FAM185A: variants seen among roughly 807,000 people sequenced by gnomAD.
FAM185A encodes the protein protein FAM185A.
Under a neutral mutation model 45.7 loss-of-function variants are expected in FAM185A, and 21 were observed. That is an observed-to-expected ratio of 0.46 (90% CI 0.33 to 0.66). FAM185A has a LOEUF of 0.66. Among genes scored for constraint, FAM185A ranks in the 30% least tolerant of loss-of-function variants. The pLI, the probability that FAM185A is intolerant of heterozygous loss-of-function variation, is 0.03. For missense variants in FAM185A, 305 were observed against 485.4 expected, an observed-to-expected ratio of 0.63 and a Z score of 3.49; for synonymous variants, 117 against 194.0, an observed-to-expected ratio of 0.60 and a Z score of 3.30.
chr7:102,841,968 G>A, the FAM185A span, among the ~76,000 whole-genome samples: 2 of 152,252 alleles, frequency 1.3e-5, no homozygotes, highest in Middle Eastern at 6.8e-3. Context: ...TCTACCAGAG[G>A]AATTCCTTAG....
the FAM185A span, among the ~76,000 whole-genome samples, chr7:102,825,502 A>C: frequency 6.6e-6 from 1 of 152,186 alleles, no homozygotes; most frequent in Non-Finnish European, 1.5e-5. Context: ...CAGAAATGTA[A>C]TATTACTAAA....
chr7:102,830,346 G>C, the FAM185A span, among the ~76,000 whole-genome samples: 27 of 152,252 alleles, frequency 1.8e-4, no homozygotes, highest in African/African-American at 4.8e-4. Flanking sequence ...TTTATAGCCA[G>C]GGCAGTTCTC....
intron 2 of FAM185A, among the ~76,000 whole-genome samples, chr7:102,752,088 T>C (rs1466558296): frequency 1.3e-5 from 2 of 152,028 alleles, no homozygotes; most frequent in Non-Finnish European, 2.9e-5. Flanking sequence ...AAAGAAATTT[T>C]AGTTTCCACA....
chr7:102,771,074 T>C (rs1357309532), intron 4 of FAM185A, among the ~76,000 whole-genome samples: 1 of 152,122 alleles, frequency 6.6e-6, no homozygotes, highest in Non-Finnish European at 1.5e-5. Context: ...TGGATGCAGT[T>C]GGAAGCCACT....
the FAM185A span, among the ~76,000 whole-genome samples, chr7:102,839,985 C>T: frequency 2.0e-5 from 3 of 152,170 alleles, no homozygotes; most frequent in Admixed American, 6.5e-5. Flanking sequence ...CCCAACAGCA[C>T]ACCTTTGGTT....
chr7:102,843,778 T>TA, the FAM185A span, among the ~76,000 whole-genome samples: 3 of 151,586 alleles, frequency 2.0e-5, no homozygotes, highest in South Asian at 2.1e-4. Flanking sequence ...TCCGTCTTAA[T>TA]AAAAAAAATA....
At chr7:102,789,805 CTA>C (rs1156774668) in intron 7 of FAM185A, among the ~76,000 whole-genome samples, 1 of 152,248 alleles carries the variant, frequency 6.6e-6, no homozygotes, top group African/African-American at 2.4e-5. Flanking sequence ...ATATACTTGT[CTA>C]TCTTTATTCT....
At chr7:102,754,758 T>G in intron 2 of FAM185A, among the ~76,000 whole-genome samples, 1 of 152,274 alleles carries the variant, frequency 6.6e-6, no homozygotes, top group South Asian at 2.1e-4. Flanking sequence ...AGACCACATT[T>G]GTACAGCATC....
intron 6 of FAM185A, among the ~76,000 whole-genome samples, chr7:102,777,687 A>G (rs1795151457): frequency 6.6e-6 from 1 of 152,298 alleles, no homozygotes; most frequent in African/African-American, 2.4e-5. Flanking sequence ...ACGCTGCCAT[A>G]CACTCTTTTG....
At chr7:102,822,423 T>G in the FAM185A span, 2 of 660,876 alleles carry the variant, frequency 3.0e-6, no homozygotes, top group Non-Finnish European at 5.6e-6. Flanking sequence ...TATTTGCAGA[T>G]GCCTCCATTC....
At chr7:102,774,471 T>C (rs1392270359) in intron 5 of FAM185A, among the ~76,000 whole-genome samples, 1 of 151,762 alleles carries the variant, frequency 6.6e-6, no homozygotes, top group Non-Finnish European at 1.5e-5. Flanking sequence ...ATGTTGAATG[T>C]AGTGATGAGA....
the FAM185A span, among the ~76,000 whole-genome samples, chr7:102,841,893 T>C: frequency 6.6e-6 from 1 of 152,308 alleles, no homozygotes; most frequent in East Asian, 1.9e-4. Context: ...AAACTCTTAA[T>C]TATTCCAGGT....
At chr7:102,763,831 C>T (rs182820405) in intron 4 of FAM185A, among the ~76,000 whole-genome samples, 232 of 152,366 alleles carry the variant, frequency 1.5e-3, no homozygotes, top group African/African-American at 5.5e-3. Flanking sequence ...CATTTATTGA[C>T]CACCTACTGT....
chr7:102,841,348 C>A, the FAM185A span, among the ~76,000 whole-genome samples: 1 of 151,808 alleles, frequency 6.6e-6, no homozygotes, highest in Admixed American at 6.6e-5. Flanking sequence ...TACGGATTAT[C>A]TTCCTTTTAA....
At chr7:102,830,008 T>C in the FAM185A span, among the ~76,000 whole-genome samples, 4,436 of 152,264 alleles carry the variant, frequency 0.029, 187 homozygotes, top group East Asian at 0.16. Flanking sequence ...TAAAGCTAAA[T>C]CTTTCTACTC....
At chr7:102,848,883 C>T in the FAM185A span, among the ~76,000 whole-genome samples, 2 of 152,012 alleles carry the variant, frequency 1.3e-5, no homozygotes, top group Admixed American at 1.3e-4. Flanking sequence ...GCCTGTAATC[C>T]CAGCTACTCG....
At chr7:102,799,304 G>A (rs576207924) in intron 7 of FAM185A, among the ~76,000 whole-genome samples, 39 of 152,162 alleles carry the variant, frequency 2.6e-4, no homozygotes, top group African/African-American at 8.7e-4. Flanking sequence ...GAGAAGAAGA[G>A]GGAAAAAGCT....
the FAM185A span, among the ~76,000 whole-genome samples, chr7:102,829,086 G>T: frequency 6.6e-6 from 1 of 152,094 alleles, no homozygotes; most frequent in African/African-American, 2.4e-5. Context: ...CAGCCCAGTG[G>T]GTCAAGTGAA....
At chr7:102,770,165 G>A (rs1389632433) in intron 4 of FAM185A, among the ~76,000 whole-genome samples, 1 of 151,908 alleles carries the variant, frequency 6.6e-6, no homozygotes, top group African/African-American at 2.4e-5. Context: ...GTGTAGGATA[G>A]TCAGTAGACT....
Sources: gnomAD v4.1 joint callset for allele counts (sites outside exome capture counted in the v4.1 genomes callset) on GRCh38, gnomAD v4.1.1 for gene constraint, MANE v1.5 for transcripts, NCBI Gene and HGNC (gene_info 2026-07-23, HGNC 2026-07-21) for gene names.